The following ZFAND3 variants were observed in gnomAD, a reference collection of about 807,000 sequenced individuals.
ZFAND3 encodes AN1-type zinc finger protein 3.
In ZFAND3, 10 loss-of-function variants were observed where a neutral mutation model predicts 29.6. The ratio of observed to expected loss-of-function variants is 0.34; its 90% CI spans 0.21 to 0.57. The LOEUF is 0.57. Among genes scored for constraint, ZFAND3 ranks in the 20% least tolerant of loss-of-function variants. The pLI, the probability that ZFAND3 is intolerant of heterozygous loss-of-function variation, is 0.86. For missense variants in ZFAND3, 230 were observed against 304.5 expected, an observed-to-expected ratio of 0.76 and a Z score of 1.82; for synonymous variants, 128 against 112.6, an observed-to-expected ratio of 1.14 and a Z score of -0.87.
chr6:38,042,803 C>G (rs967891284), intron 2 of ZFAND3, among the ~76,000 whole-genome samples: 11 of 152,010 alleles, frequency 7.2e-5, no homozygotes, highest in Admixed American at 2.0e-4. Flanking sequence ...AGATGGTTAA[C>G]AAAATAGATC....
intron 1 of ZFAND3, among the ~76,000 whole-genome samples, chr6:37,913,631 G>T (rs1225845265): frequency 1.3e-5 from 2 of 151,806 alleles, no homozygotes; most frequent in South Asian, 2.1e-4. Flanking sequence ...ATGTTCTTAA[G>T]GGCAACTAGA....
At chr6:38,025,389 A>G (rs916455870) in intron 2 of ZFAND3, among the ~76,000 whole-genome samples, 6 of 152,240 alleles carry the variant, frequency 3.9e-5, no homozygotes, top group Admixed American at 2.0e-4. Context: ...ATATCCAAGT[A>G]ATTTAAGTGG....
At chr6:37,834,809 A>ATATGCATATATCATTATGATATATGTGTG (rs1763935965) in intron 1 of ZFAND3, among the ~76,000 whole-genome samples, 2 of 150,674 alleles carry the variant, frequency 1.3e-5, no homozygotes, top group South Asian at 2.1e-4. Context: ...ATATATGCTC[A>ATATGCATATATCATTATGATATATGTGTG]TATGCATATA....
chr6:37,842,495 C>T (rs947124112), intron 1 of ZFAND3, among the ~76,000 whole-genome samples: 1 of 152,122 alleles, frequency 6.6e-6, no homozygotes, highest in African/African-American at 2.4e-5. Flanking sequence ...GTTTGTTCAT[C>T]TTTATTATTG....
At chr6:37,918,812 G>A (rs1458720340) in intron 1 of ZFAND3, among the ~76,000 whole-genome samples, 1 of 152,042 alleles carries the variant, frequency 6.6e-6, no homozygotes, top group Non-Finnish European at 1.5e-5. Flanking sequence ...AACATTGTTA[G>A]CCAGAAGAAA....
chr6:38,018,366 G>A (rs184396223), intron 2 of ZFAND3, among the ~76,000 whole-genome samples: 4 of 152,074 alleles, frequency 2.6e-5, no homozygotes, highest in Middle Eastern at 3.4e-3. Context: ...ATCAGGTAAC[G>A]TTTTCCTCTT....
chr6:37,919,712 A>T (rs1162173120), intron 1 of ZFAND3, among the ~76,000 whole-genome samples: 1 of 152,204 alleles, frequency 6.6e-6, no homozygotes, highest in Non-Finnish European at 1.5e-5. Context: ...AGATCTTCAG[A>T]GGCCTTCTTC....
chr6:38,111,982 CGA>C (rs932358168), intron 4 of ZFAND3, among the ~76,000 whole-genome samples: 13 of 152,048 alleles, frequency 8.5e-5, no homozygotes, highest in Admixed American at 6.5e-4. Flanking sequence ...CCTTGGATAC[CGA>C]GAGACGGACT....
chr6:37,920,219 A>C (rs887369418), intron 1 of ZFAND3, among the ~76,000 whole-genome samples: 6 of 152,034 alleles, frequency 3.9e-5, no homozygotes, highest in African/African-American at 9.7e-5. Flanking sequence ...GGACAGTTGC[A>C]ATCATTGTAT....
At chr6:38,054,558 A>G (rs1764097300) in intron 2 of ZFAND3, among the ~76,000 whole-genome samples, 1 of 152,164 alleles carries the variant, frequency 6.6e-6, no homozygotes, top group Non-Finnish European at 1.5e-5. Context: ...AAAAGAAGAT[A>G]GTCTGATTTT....
intron 3 of ZFAND3, among the ~76,000 whole-genome samples, chr6:38,080,646 C>CTTTA (rs1454454346): frequency 1.6e-4 from 24 of 152,106 alleles, no homozygotes; most frequent in African/African-American, 5.6e-4. Flanking sequence ...AGTTGTCAGA[C>CTTTA]TTTAACTCAG....
intron 4 of ZFAND3, among the ~76,000 whole-genome samples, chr6:38,096,451 G>A (rs547827856): frequency 3.1e-4 from 47 of 152,338 alleles, no homozygotes; most frequent in African/African-American, 1.1e-3. Context: ...GATTACAGGC[G>A]TGAGCCACTG....
rs888651813 is a variant in ZFAND3, at chr6:38,020,355, ATTT to A, written c.113-41231_113-41229del. On this transcript the variant is annotated intron_variant, in intron 2 of 5. Coordinates refer to ENST00000287218, the MANE Select transcript of ZFAND3 (RefSeq NM_021943.3). Reference sequence around the variant, plus strand: ...ATAGTGATCGGAAAGATAATTAAAAATTTTTTTTTAAGTAGAATCACTTGGTGG... The same window carrying A: ...ATAGTGATCGGAAAGATAATTAAAAATTTTTTAAGTAGAATCACTTGGTGG... Among the ~76,000 whole-genome samples the A allele has an allele frequency of 5.3e-5, 8 of 152,032 alleles. No individual in the cohort carries two copies. In the East Asian group the frequency reaches 1.5e-3, roughly 29 times the overall value.
intron 1 of ZFAND3, among the ~76,000 whole-genome samples, chr6:37,906,753 G>A (rs1332794630): frequency 6.7e-6 from 1 of 150,300 alleles, no homozygotes; most frequent in African/African-American, 2.5e-5. Context: ...TCTTATTGTG[G>A]TTTTGATTTG....
At chr6:37,963,069 C>G (rs1267888427) in intron 2 of ZFAND3, among the ~76,000 whole-genome samples, 1 of 152,160 alleles carries the variant, frequency 6.6e-6, no homozygotes, top group Non-Finnish European at 1.5e-5. Flanking sequence ...ATCTGAACAC[C>G]TGAAGGAACA....
intron 5 of ZFAND3, among the ~76,000 whole-genome samples, chr6:38,139,043 A>C (rs879217420): frequency 6.6e-6 from 1 of 152,240 alleles, no homozygotes; most frequent in Non-Finnish European, 1.5e-5. Flanking sequence ...AGGAGAAACC[A>C]TGAAGGATTC....
At chr6:38,106,037 C>A (rs1374331472) in intron 4 of ZFAND3, among the ~76,000 whole-genome samples, 2 of 152,104 alleles carry the variant, frequency 1.3e-5, no homozygotes, top group African/African-American at 2.4e-5. Flanking sequence ...GAAAACTCAT[C>A]AAACTGGCAT....
intron 2 of ZFAND3, among the ~76,000 whole-genome samples, chr6:37,934,154 C>G (rs1761650764): frequency 6.6e-6 from 1 of 150,878 alleles, no homozygotes; most frequent in Admixed American, 6.6e-5. Context: ...TCCCAAAGTG[C>G]TGGGATTACA....
intron 1 of ZFAND3, among the ~76,000 whole-genome samples, chr6:37,845,222 G>A (rs1217851385): frequency 6.6e-6 from 1 of 152,112 alleles, no homozygotes; most frequent in African/African-American, 2.4e-5. Flanking sequence ...TTCTACTGAT[G>A]GTGTGACTGG....
Sources: gnomAD v4.1 joint callset for allele counts (sites outside exome capture counted in the v4.1 genomes callset) on GRCh38, gnomAD v4.1.1 for gene constraint, MANE v1.5 for transcripts, NCBI Gene and HGNC (gene_info 2026-07-23, HGNC 2026-07-21) for gene names.